Variants in NPC1 observed in about 807,000 individuals in gnomAD.
The protein encoded by NPC1 is NPC intracellular cholesterol transporter 1.
In NPC1, 85 loss-of-function variants were observed where a neutral mutation model predicts 140.4. The observed-to-expected ratio is 0.61, with a 90% confidence interval of 0.51 to 0.72. The LOEUF is 0.72. Ranked by LOEUF, NPC1 falls within the 30% of genes least tolerant of loss-of-function variation. The probability of loss-of-function intolerance (pLI) is 0.00; values close to 1 mark genes in which losing one functional copy is unlikely to be tolerated. For missense variants in NPC1, 1,504 were observed against 1,623.8 expected (o/e 0.93, Z 1.27); for synonymous variants, 656 against 624.8 (o/e 1.05, Z -0.74).
At chr18:23,527,930 C>T, downstream of NPC1, 1 of 1,521,462 alleles carries the variant, frequency 6.6e-7, no homozygotes, top group Non-Finnish European at 9.0e-7. Flanking sequence ...GACAAAGGGT[C>T]CTCCTCCCCC....
At chr18:23,581,173 G>GT (rs1465613449) in intron 1 of NPC1, among the ~76,000 whole-genome samples, 1 of 152,206 alleles carries the variant, frequency 6.6e-6, no homozygotes, top group Non-Finnish European at 1.5e-5. Flanking sequence ...GTGGGTGCCA[G>GT]TATACACTGT....
intron 1 of NPC1, among the ~76,000 whole-genome samples, chr18:23,582,728 C>T (rs544885084): frequency 6.6e-6 from 1 of 151,804 alleles, no homozygotes; most frequent in Non-Finnish European, 1.5e-5. Context: ...TCACCTGAGC[C>T]CGGGAGGTCG....
intron 24 of NPC1, among the ~76,000 whole-genome samples, chr18:23,532,659 C>T (rs1475449592): frequency 1.3e-5 from 2 of 149,000 alleles, no homozygotes; most frequent in Non-Finnish European, 3.0e-5. Context: ...TGGTCTCAAA[C>T]GATTCTCCTG....
At chr18:23,529,883 G>A, downstream of NPC1, 1 of 1,035,822 alleles carries the variant, frequency 9.7e-7, no homozygotes, top group Non-Finnish European at 1.4e-6. Context: ...GGTCAAGTTG[G>A]GGTCTTTACC....
chr18:23,520,443 T>C (rs2058113740), downstream of NPC1: 1 of 760,820 alleles, frequency 1.3e-6, no homozygotes, highest in Non-Finnish European at 2.1e-6. Context: ...TGTCTGATTT[T>C]GCCAGGGGCC....
chr18:23,548,473 A>G (rs572270414), intron 10 of NPC1, among the ~76,000 whole-genome samples: 1 of 152,068 alleles, frequency 6.6e-6, no homozygotes, highest in Admixed American at 6.6e-5. Context: ...CCATACTGTG[A>G]CCATCTGCGA....
At chr18:23,538,955 G>GTAT in intron 19 of NPC1, 2 of 475,070 alleles carry the variant, frequency 4.2e-6, no homozygotes, top group Non-Finnish European at 7.6e-6. Context: ...TCAGAGCCCG[G>GTAT]GGCTTCTATG....
intron 24 of NPC1, 24 bp from the exon 25 acceptor site, chr18:23,532,308 T>C: frequency 6.2e-7 from 1 of 1,613,954 alleles, no homozygotes; most frequent in South Asian, 1.1e-5. Context: ...AGACTTTTTC[T>C]TATTTCTGCA....
intron 3 of NPC1, chr18:23,515,993 T>C (rs1170469235): frequency 9.9e-6 from 16 of 1,614,158 alleles, no homozygotes; most frequent in East Asian, 2.2e-5. Flanking sequence ...CTTTTCACTT[T>C]AGGGTAAGAG....
downstream of NPC1, among the ~76,000 whole-genome samples, chr18:23,519,428 G>A (rs894221586): frequency 1.3e-5 from 2 of 152,030 alleles, no homozygotes; most frequent in Non-Finnish European, 2.9e-5. Flanking sequence ...TAAGGCTGGA[G>A]GATGGCTTGA....
intron 3 of NPC1, chr18:23,516,072 G>C: frequency 6.3e-7 from 1 of 1,592,688 alleles, no homozygotes; most frequent in Non-Finnish European, 8.6e-7. Context: ...AATGTGTCAG[G>C]CACGTTAGGG....
intron 3 of NPC1, chr18:23,508,183 G>T (rs912506817): frequency 1.5e-6 from 1 of 674,120 alleles, no homozygotes. Flanking sequence ...ACTGGAGTCA[G>T]GCGGGGTGTT....
Position 23,539,854 on chromosome 18 carries a change from A to C in NPC1, c.2752T>G (p.Ser918Ala). 6.2e-7 allele frequency: 1 copy of C among 1,614,164 alleles called. No homozygotes were observed. Among genetic ancestry groups the C allele is most frequent in the Non-Finnish European group, 8.5e-7 (1 of 1,180,038 alleles). ...GCGTTAAATATCTGCTGCACCAGGG[A>C]ATCATTGTTGCAGCCCATGCCGCCG... ...VCGGMGCNND[S>A]LVQQIFNAAQ... The change falls in exon 18 of 25, where the codon TCC becomes GCC. Residue 918 changes from serine (S) to alanine (A), a missense_variant. By Grantham distance (99) the Ser-to-Ala change is moderately conservative. Coordinates refer to ENST00000269228, the MANE Select transcript of NPC1 (RefSeq NM_000271.5).
At chr18:23,571,663 A>T (rs2059205512) in intron 3 of NPC1, among the ~76,000 whole-genome samples, 1 of 151,696 alleles carries the variant, frequency 6.6e-6, no homozygotes, top group African/African-American at 2.4e-5. Context: ...CAAAAAAAAA[A>T]AAAAATAAAG....
At chr18:23,535,447 C>T (rs1567945158) in intron 22 of NPC1, 22 bp downstream of exon 22, 1 of 1,548,428 alleles carries the variant, frequency 6.5e-7, no homozygotes, top group South Asian at 1.1e-5. Flanking sequence ...TAGGGACAAA[C>T]TGAGACTGTA....
chr18:23,535,618 A>G lies in NPC1; in HGVS notation c.3328T>C (p.Phe1110Leu), dbSNP rs753725948. The G allele has an allele frequency of 6.8e-6, 11 of 1,614,120 alleles. No individual in the cohort carries two copies. Among genetic ancestry groups the G allele is most frequent in the Non-Finnish European group, 9.3e-6 (11 of 1,180,020 alleles). ...CCCAGGAGGACCATGGTCACCAGAA[A>G]TATCGCGCCCAGGGACACACCGAGG... The part of the protein sequence containing the change: ...FNLGVSLGAI[F>L]LVTMVLLGCE... The change falls in exon 22 of 25, where the codon TTT (phenylalanine) becomes CTT (leucine). Residue 1110 changes from phenylalanine (F) to leucine (L), a missense_variant. Physicochemically the swap from Phe to Leu is conservative, Grantham distance 22. Transcript: ENST00000269228.
chr18:23,545,198 T>C, intron 11 of NPC1, 49 bp from the exon 12 acceptor site: 1 of 1,358,174 alleles, frequency 7.4e-7, no homozygotes, highest in Non-Finnish European at 1.1e-6. Context: ...AACTGACAGC[T>C]AAGTAAGAAA....
chr18:23,540,993 T>C, intron 16 of NPC1, 75 bp downstream of exon 16: 1 of 1,514,240 alleles, frequency 6.6e-7, no homozygotes, highest in Non-Finnish European at 9.2e-7. Context: ...CTTCCCAGGC[T>C]GTCTGGCTTC....
intron 13 of NPC1, 139 bp from the exon 14 acceptor site, chr18:23,543,708 C>T (rs1036948557): frequency 1.7e-5 from 11 of 646,906 alleles, no homozygotes; most frequent in East Asian, 5.4e-5. Flanking sequence ...ATATAAACTT[C>T]GGTGGGGGAC....
Sources: gnomAD v4.1 joint callset for allele counts (sites outside exome capture counted in the v4.1 genomes callset) on GRCh38, gnomAD v4.1.1 for gene constraint, MANE v1.5 for transcripts, NCBI Gene and HGNC (gene_info 2026-07-23, HGNC 2026-07-21) for gene names.